Variants in ARAP3 observed in about 807,000 individuals in gnomAD.
The protein encoded by ARAP3 is ArfGAP with RhoGAP domain, ankyrin repeat and PH domain 3.
Under a neutral mutation model 169.2 loss-of-function variants are expected in ARAP3, and 82 were observed. That is an observed-to-expected ratio of 0.48 (90% CI 0.41 to 0.58). ARAP3 has a LOEUF of 0.58. ARAP3 is among the 20% of genes least tolerant of loss of function. The pLI is 0.00. For synonymous variants in ARAP3, 791 were observed against 800.3 expected (o/e 0.99, Z 0.20); for missense variants, 1,764 against 2,018.0 (o/e 0.87, Z 2.41).
chr5:141,658,213 C>T (rs1339647187), intron 25 of ARAP3, 152 bp downstream of exon 25: 1 of 739,626 alleles, frequency 1.4e-6, no homozygotes, highest in Non-Finnish European at 2.2e-6. Context: ...AGTGAGTCAA[C>T]TGTGTTGAAT....
chr5:141,656,830 G>A lies in ARAP3; in HGVS notation c.3543C>T (p.Pro1181=), dbSNP rs752339789. The A allele has an allele frequency of 1.2e-5, 20 of 1,613,136 alleles. No individual in the cohort carries two copies. Among genetic ancestry groups the A allele is most frequent in the Non-Finnish European group, 1.6e-5 (19 of 1,179,654 alleles). ...EHGELERPLH[P]KEKVLEQALQ... ...AAGCCTGCTCTAAGACCTTTTCCTT[G>A]GGATGCAGTGGCCGCTCTTAAGGGG... Residue 1181 remains proline, a synonymous_variant, in exon 26 of 33, where the codon CCC becomes CCT. Coordinates refer to ENST00000239440, the MANE Select transcript of ARAP3 (RefSeq NM_022481.6).
intron 23 of ARAP3, among the ~76,000 whole-genome samples, chr5:141,659,035 C>T (rs921667785): frequency 6.6e-6 from 1 of 152,150 alleles, no homozygotes; most frequent in African/African-American, 2.4e-5. Context: ...TATAGTAAGT[C>T]CTCAGCTATG....
chr5:141,655,830 G>A (rs2099909200), intron 30 of ARAP3, 39 bp downstream of exon 30: 2 of 1,614,052 alleles, frequency 1.2e-6, no homozygotes, highest in Non-Finnish European at 1.7e-6. Context: ...GCCCCAGGGG[G>A]ACCACAGACC....
In ARAP3 at chr5:141,673,005, G is replaced by A. The variant is rs1562421810; in HGVS notation, c.1093+8C>T. 1 of 1,614,168 alleles carries A rather than the reference G, an allele frequency of 6.2e-7. No individual in the cohort carries two copies. Among genetic ancestry groups the A allele is most frequent in the African/African-American group, 1.3e-5 (1 of 75,040 alleles). ...TCCTGCCCTGACTCAGGGGGCTGTGGCCCTCACCCTCGCTCTCTGTGCGGA... is the reference window on the plus strand; with the variant it reads ...TCCTGCCCTGACTCAGGGGGCTGTGACCCTCACCCTCGCTCTCTGTGCGGA... On this transcript the variant is annotated splice_region_variant and intron_variant, in intron 7 of 32. Coordinates refer to ENST00000239440, the MANE Select transcript of ARAP3 (RefSeq NM_022481.6).
Position 141,671,411 on chromosome 5 carries a change from G to A in ARAP3, c.1855-11C>T, listed in dbSNP as rs1215779620. On this transcript the variant is annotated splice_polypyrimidine_tract_variant and intron_variant, in intron 12 of 32. Transcript: ENST00000239440. This position sits in a 1 kb window ranked among gnomAD's most constrained non-coding sequence, Gnocchi z 4.9. ...AGCTGCACACAGTGCCTGCAGGGAG[G>A]GAAGGGCCTCTGTCAGCCCCAAATC... 1 of 1,604,240 alleles carries A rather than the reference G, an allele frequency of 6.2e-7. No individual in the cohort carries two copies. Among genetic ancestry groups the A allele is most frequent in the Admixed American group, 1.7e-5 (1 of 58,968 alleles).
chr5:141,675,905 C>A (rs2099912120), intron 4 of ARAP3, among the ~76,000 whole-genome samples: 1 of 152,152 alleles, frequency 6.6e-6, no homozygotes, highest in South Asian at 2.1e-4. Context: ...ATAATAAACA[C>A]TCGTGTCTAA....
chr5:141,673,310 C>A (rs181774350), intron 6 of ARAP3, 91 bp downstream of exon 6: 719 of 1,578,054 alleles, frequency 4.6e-4, no homozygotes, highest in Non-Finnish European at 5.9e-4. Context: ...CCCGCCCACA[C>A]ACACAATGGA....
chr5:141,658,484 G>A lies in ARAP3; in HGVS notation c.3412-5C>T, dbSNP rs1483533690. ...AGCAGTCAGGGTTGGGGACACCTGG[G>A]GTCAGGGCAAGAGCAGAGAATTCAT... On this transcript the variant is annotated splice_region_variant and splice_polypyrimidine_tract_variant and intron_variant, in intron 24 of 32. Coordinates refer to ENST00000239440, the MANE Select transcript of ARAP3 (RefSeq NM_022481.6). 1 of 1,613,964 alleles carries A rather than the reference G, an allele frequency of 6.2e-7. No homozygotes were observed. The highest frequency in any genetic ancestry group is 1.3e-5 in the African/African-American group (1 of 74,890).
intron 31 of ARAP3, 99 bp downstream of exon 31, chr5:141,655,522 C>G: frequency 6.3e-7 from 1 of 1,594,976 alleles, no homozygotes; most frequent in African/African-American, 1.3e-5. Context: ...GGACAGTGAG[C>G]ATAGGGTGGC....
intron 18 of ARAP3, 95 bp from the exon 19 acceptor site, chr5:141,665,180 C>T: frequency 1.3e-6 from 2 of 1,561,962 alleles, no homozygotes; most frequent in Non-Finnish European, 8.7e-7. Context: ...GGCAGCAACA[C>T]CCAACCCAAA....
At chr5:141,681,013 T>A (rs2099912892) in intron 1 of ARAP3, among the ~76,000 whole-genome samples, 1 of 152,150 alleles carries the variant, frequency 6.6e-6, no homozygotes, top group South Asian at 2.1e-4. Context: ...AGAGCCGATG[T>A]ATGCAGGCCT....
chr5:141,656,633 G>C lies in ARAP3; in HGVS notation c.3660C>G (p.Ile1220Met). The change falls in exon 27 of 33, where the codon ATC becomes ATG. Residue 1220 changes from isoleucine to methionine, a missense_variant. Ile to Met is a conservative substitution (Grantham distance 10, BLOSUM62 1). Around this residue, in one of 3 missense-constraint regions of ARAP3, gnomAD observed 1,112 missense variants for 1,285.7 expected, o/e 0.86. Coordinates refer to ENST00000239440, the MANE Select transcript of ARAP3 (RefSeq NM_022481.6). The part of the protein sequence containing the change: ...LAQAGCLFTG[I>M]RRESPRVGLL... ...GCCCCACCCGTGGGCTCTCACGTCG[G>C]ATACCTGGGCATAGATGGGCAATCC... The C allele has an allele frequency of 6.2e-7, 1 of 1,613,608 alleles. No individual in the cohort carries two copies. Among genetic ancestry groups the C allele is most frequent in the South Asian group, 1.1e-5 (1 of 90,952 alleles).
At position 141,656,212 on chromosome 5, in the gene ARAP3, T is replaced by C. The variant is rs200516734; in HGVS notation, c.3854A>G (p.Lys1285Arg). Residue 1285 changes from lysine to arginine, a missense_variant, in exon 28 of 33, where the codon AAG becomes AGG. By Grantham distance (26) the Lys-to-Arg change is conservative (BLOSUM62 2). This residue lies in a region of ARAP3 where 1,112 missense variants were observed against 1,285.7 expected (regional missense o/e 0.86). Transcript: ENST00000239440. ...GAKVYLGIRKKLKPPTPWGFT... is the reference protein window; with the variant it reads ...GAKVYLGIRKRLKPPTPWGFT... Reference sequence around the variant, plus strand: ...AACTCACGGTGTTGGGGGCTTTAACTTCTTGCGGATTCCCAGGTAGACCTT... The same window carrying C: ...AACTCACGGTGTTGGGGGCTTTAACCTCTTGCGGATTCCCAGGTAGACCTT... 6.2e-7 allele frequency: 1 copy of C among 1,614,034 alleles called. No homozygotes were observed. Among genetic ancestry groups the C allele is most frequent in the Non-Finnish European group, 8.5e-7 (1 of 1,180,036 alleles).
intron 17 of ARAP3, 71 bp downstream of exon 17, chr5:141,666,350 AAAT>A: frequency 7.6e-7 from 1 of 1,321,066 alleles, no homozygotes; most frequent in Non-Finnish European, 9.9e-7. Flanking sequence ...AAGAACCCCC[AAAT>A]AATAAAGGTC....
intron 4 of ARAP3, among the ~76,000 whole-genome samples, chr5:141,678,947 G>A (rs369625040): frequency 9.3e-4 from 141 of 152,288 alleles, no homozygotes; most frequent in African/African-American, 3.2e-3. Context: ...ATCTACATCC[G>A]GTGCATGATA....
intron 17 of ARAP3, among the ~76,000 whole-genome samples, chr5:141,666,141 C>G (rs1298276922): frequency 3.3e-5 from 5 of 151,944 alleles, no homozygotes; most frequent in Admixed American, 6.6e-5. Context: ...GATGCATTAC[C>G]CTATTTGAAC....
chr5:141,676,681 T>C (rs2099912231), intron 4 of ARAP3, among the ~76,000 whole-genome samples: 1 of 152,154 alleles, frequency 6.6e-6, no homozygotes, highest in Non-Finnish European at 1.5e-5. Flanking sequence ...GGCCTTCTAC[T>C]TTGCTATTTC....
chr5:141,679,911 T>C (rs2099912750), intron 2 of ARAP3, 52 bp downstream of exon 2: 5 of 1,611,858 alleles, frequency 3.1e-6, no homozygotes, highest in Non-Finnish European at 3.4e-6. Context: ...CCCCTCATGC[T>C]CTCCTCCCCA....
intron 1 of ARAP3, chr5:141,680,715 G>T (rs1460713143): frequency 3.9e-6 from 3 of 775,204 alleles, no homozygotes; most frequent in East Asian, 5.8e-5. Flanking sequence ...AGGAAACTGA[G>T]GCCCAGAGAG....
Sources: gnomAD v4.1 joint callset for allele counts (sites outside exome capture counted in the v4.1 genomes callset) on GRCh38, gnomAD v4.1.1 for gene constraint, gnomAD v4.1.1 regional missense constraint, Gnocchi (gnomAD v3.1) non-coding constraint, MANE v1.5 for transcripts, NCBI Gene and HGNC (gene_info 2026-07-23, HGNC 2026-07-21) for gene names.